The following TMPRSS4 variants were observed in gnomAD, a reference collection of about 807,000 sequenced individuals.
The protein encoded by TMPRSS4 is transmembrane protease serine 4.
A neutral mutation model predicts 56.4 loss-of-function variants in TMPRSS4; 45 were observed. That is an observed-to-expected ratio of 0.80 (90% CI 0.63 to 1.02). The LOEUF (loss-of-function observed/expected upper bound fraction) is 1.02, where lower values mean the gene tolerates loss of function less well. Among genes scored for constraint, TMPRSS4 ranks in the 50% least tolerant of loss-of-function variants. The pLI, the probability that TMPRSS4 is intolerant of heterozygous loss-of-function variation, is 0.00. For missense variants in TMPRSS4, 546 were observed against 556.7 expected (o/e 0.98, Z 0.19); for synonymous variants, 205 against 211.0 (o/e 0.97, Z 0.25).
chr11:118,109,534 C>T (rs1947172198), intron 7 of TMPRSS4, among the ~76,000 whole-genome samples: 2 of 152,274 alleles, frequency 1.3e-5, no homozygotes, highest in Middle Eastern at 3.4e-3. Flanking sequence ...TCCAGTGTGG[C>T]CTCGAGTCAT....
At chr11:118,124,345 G>A (rs544114073), downstream of TMPRSS4, among the ~76,000 whole-genome samples, 69 of 152,056 alleles carry the variant, frequency 4.5e-4, no homozygotes, top group African/African-American at 1.5e-3. Context: ...AGATGGCGCC[G>A]CTGCACTCCA....
Position 118,104,877 on chromosome 11 carries a change from C to T in TMPRSS4, c.440+57C>T, listed in dbSNP as rs563679342. The T allele has an allele frequency of 1.4e-4, 212 of 1,484,174 alleles. No homozygotes were observed. In the African/African-American group the frequency reaches 2.7e-3, roughly 19 times the overall value. The allele number at this position is 1,484,174 out of a possible 1,614,324, so 91.9% of individuals were successfully genotyped here. The stretch of plus-strand genomic sequence containing the variant: ...TCCTTCCTCCTTCCTCCTCTTCCTC[C>T]TTTCCTTCCTCCCTTCTTCTCTCTT... On this transcript the variant is annotated intron_variant, in intron 5 of 12. Coordinates refer to ENST00000437212, the MANE Select transcript of TMPRSS4 (RefSeq NM_019894.4).
chr11:118,104,677 T>C lies in TMPRSS4; in HGVS notation c.311-14T>C. ...GCCCCCCGTTCCATCTAACTCAGGT[T>C]CCTTTCCTCCCAGTCCGCCTCTCCA... On this transcript the variant is annotated splice_polypyrimidine_tract_variant and intron_variant, in intron 4 of 12. Coordinates refer to ENST00000437212, the MANE Select transcript of TMPRSS4 (RefSeq NM_019894.4). The C allele has an allele frequency of 1.2e-6, 2 of 1,614,112 alleles. No homozygotes were observed. Among genetic ancestry groups the C allele is most frequent in the Non-Finnish European group, 1.7e-6 (2 of 1,180,004 alleles).
rs367610723 is a variant in TMPRSS4 at position 118,115,116 on chromosome 11, G to T, written c.1010-22G>T. The T allele has an allele frequency of 1.9e-6, 3 of 1,605,170 alleles. No homozygotes were observed. In the African/African-American group the frequency reaches 4.0e-5, roughly 21 times the overall value. ...GGGGATAGAAGGCAAGGATGGGAATGTGAGTGTTTTTACCCTCCCAGGGAA... is the reference window on the plus strand; with the variant it reads ...GGGGATAGAAGGCAAGGATGGGAATTTGAGTGTTTTTACCCTCCCAGGGAA... On this transcript the variant is annotated intron_variant, in intron 10 of 12. Transcript: ENST00000437212.
intron 1 of TMPRSS4, chr11:118,088,415 G>A (rs1163021869): frequency 6.6e-6 from 1 of 152,204 alleles, no homozygotes; most frequent in Non-Finnish European, 1.5e-5. Context: ...GACAAACCGA[G>A]AAGCAGGAAA....
intron 7 of TMPRSS4, 148 bp downstream of exon 7, chr11:118,109,044 C>A (rs527636041): frequency 2.5e-6 from 2 of 792,280 alleles, no homozygotes; most frequent in Non-Finnish European, 4.0e-6. Context: ...AATGCCCCCT[C>A]GAGTTGTTGG....
chr11:118,093,824 C>CT (rs1555083624), intron 1 of TMPRSS4, among the ~76,000 whole-genome samples: 8 of 151,500 alleles, frequency 5.3e-5, no homozygotes, highest in Middle Eastern at 3.4e-3. Flanking sequence ...AACTGCCCCC[C>CT]CCAATGGTAA....
At chr11:118,081,235 T>C (rs1287679166) in intron 1 of TMPRSS4, among the ~76,000 whole-genome samples, 1 of 152,194 alleles carries the variant, frequency 6.6e-6, no homozygotes, top group Non-Finnish European at 1.5e-5. Context: ...ATACCAGATC[T>C]ATCTGAGGGG....
intron 5 of TMPRSS4, among the ~76,000 whole-genome samples, chr11:118,105,328 G>A (rs1398039244): frequency 1.3e-5 from 2 of 152,132 alleles, no homozygotes; most frequent in Non-Finnish European, 2.9e-5. Flanking sequence ...ATCTGGAGTG[G>A]ATGAAAAGGT....
intron 2 of TMPRSS4, among the ~76,000 whole-genome samples, chr11:118,098,295 C>G (rs932920850): frequency 2.6e-5 from 4 of 151,962 alleles, no homozygotes; most frequent in Non-Finnish European, 5.9e-5. Flanking sequence ...CAGAGCTGAG[C>G]CAGTGCCTCC....
chr11:118,082,693 T>C lies in TMPRSS4; in HGVS notation c.3+5388T>C, dbSNP rs75711131. ...ACTTTCAAGAAGACTAAACTAAAGTTTCATACCCAATGCTGCTCAGGGAAA... is the reference window on the plus strand; with the variant it reads ...ACTTTCAAGAAGACTAAACTAAAGTCTCATACCCAATGCTGCTCAGGGAAA... On this transcript the variant is annotated intron_variant, in intron 1 of 12. Transcript: ENST00000437212. Among the ~76,000 whole-genome samples the C allele has an allele frequency of 1.2e-4, 18 of 152,198 alleles. No homozygotes were observed. The East Asian group carries it at 3.5e-3, about 29-fold the overall frequency.
chr11:118,107,579 G>A, intron 5 of TMPRSS4, 195 bp from the exon 6 acceptor site: 1 of 491,800 alleles, frequency 2.0e-6, no homozygotes, highest in Non-Finnish European at 3.7e-6. Flanking sequence ...TGAGTCCTGG[G>A]ATGCCAAGGG....
chr11:118,103,389 T>TTTGTTTGTTTG, intron 4 of TMPRSS4, 136 bp downstream of exon 4: 2 of 1,141,016 alleles, frequency 1.8e-6, no homozygotes, highest in Non-Finnish European at 2.4e-6. Context: ...TGTTTGTTTG[T>TTTGTTTGTTTG]TTGTTGTTGT....
intron 1 of TMPRSS4, among the ~76,000 whole-genome samples, chr11:118,084,063 C>A (rs1165860039): frequency 6.6e-6 from 1 of 152,108 alleles, no homozygotes; most frequent in Non-Finnish European, 1.5e-5. Context: ...AAACAATTAT[C>A]GTACTCTTAC....
rs989482701 is a variant in TMPRSS4 at position 118,121,197 on chromosome 11, A to G, written c.*3284A>G. On this transcript the variant is annotated 3_prime_UTR_variant, in exon 13 of 13. Coordinates refer to ENST00000437212, the MANE Select transcript of TMPRSS4 (RefSeq NM_019894.4). ...CAAGAAAACAAAAACAGACTTTACC[A>G]TCAACAAACCTTCTCTAAAAGAATA... 6.6e-6 allele frequency: 1 copy of G among 152,254 alleles called. No individual in the cohort carries two copies. Among genetic ancestry groups the G allele is most frequent in the African/African-American group, 2.4e-5 (1 of 41,464 alleles). 9.4% of individuals were successfully genotyped at this position (152,254 alleles called of 1,614,324 possible).
rs936848141 is a variant in TMPRSS4 at position 118,113,450 on chromosome 11, C to G, written c.910+15C>G. ...CACTTTCTCAGGTGAGAAGCAGGGC[C>G]CAAGGCCACTCAAGCCTCTTACATC... On this transcript the variant is annotated intron_variant, in intron 9 of 12. Transcript: ENST00000437212. 63 of 1,612,216 alleles carry G rather than the reference C, an allele frequency of 3.9e-5. No homozygotes were observed. Among genetic ancestry groups the G allele is most frequent in the Non-Finnish European group, 5.0e-5 (59 of 1,178,794 alleles).
chr11:118,103,365 T>C, intron 4 of TMPRSS4, 112 bp downstream of exon 4: 1 of 1,399,240 alleles, frequency 7.1e-7, no homozygotes, highest in Non-Finnish European at 9.6e-7. Context: ...TCATCCTTGT[T>C]GTATAAGGTT....
rs914286107 is a variant in TMPRSS4 at position 118,118,455 on chromosome 11, G to A, written c.*542G>A. Reference sequence around the variant, plus strand: ...ATTAAAGAGCTGTGTAACATCTCTGGCATAGGCTAGCTGGAATGCTTGATA... The same window carrying A: ...ATTAAAGAGCTGTGTAACATCTCTGACATAGGCTAGCTGGAATGCTTGATA... On this transcript the variant is annotated 3_prime_UTR_variant, in exon 13 of 13. Coordinates refer to ENST00000437212, the MANE Select transcript of TMPRSS4 (RefSeq NM_019894.4). 2 of 986,574 alleles carry A rather than the reference G, an allele frequency of 2.0e-6. No individual in the cohort carries two copies. The highest frequency in any genetic ancestry group is 5.2e-4 in the Middle Eastern group (1 of 1,916). The allele number at this position is 986,574 out of a possible 1,614,324, so 61.1% of individuals were successfully genotyped here. A position where few individuals can be genotyped will look rare whatever the true frequency, so the allele number is the denominator to read the frequency against.
At chr11:118,104,644 C>A (rs1346116447) in intron 4 of TMPRSS4, 47 bp from the exon 5 acceptor site, 1 of 1,613,222 alleles carries the variant, frequency 6.2e-7, no homozygotes, top group East Asian at 2.2e-5. Context: ...GGGGGATGGG[C>A]CAGTTGGGCC....
Sources: gnomAD v4.1 joint callset for allele counts (sites outside exome capture counted in the v4.1 genomes callset) on GRCh38, gnomAD v4.1.1 for gene constraint, MANE v1.5 for transcripts, NCBI Gene and HGNC (gene_info 2026-07-23, HGNC 2026-07-21) for gene names.